ZNF567: variants seen among roughly 807,000 people sequenced by gnomAD.
ZNF567 encodes the protein zinc finger protein 567.
A neutral mutation model predicts 53.9 loss-of-function variants in ZNF567; 36 were observed. That is an observed-to-expected ratio of 0.67 (90% CI 0.51 to 0.88). ZNF567 has a LOEUF of 0.88. ZNF567 is among the 40% of genes least tolerant of loss of function. ZNF567 has a pLI of 0.00. For synonymous variants in ZNF567, 224 were observed against 260.4 expected, an observed-to-expected ratio of 0.86 and a Z score of 1.35; for missense variants, 619 against 764.7, an observed-to-expected ratio of 0.81 and a Z score of 2.25.
intron 3 of ZNF567, among the ~76,000 whole-genome samples, chr19:36,698,822 C>T (rs1439523694): frequency 3.3e-5 from 5 of 152,030 alleles, no homozygotes; most frequent in Non-Finnish European, 7.4e-5. Flanking sequence ...TGGATATTAG[C>T]CCTTTGTCAG....
intron 3 of ZNF567, among the ~76,000 whole-genome samples, chr19:36,700,256 C>CATCCCAGGGATGAAGCCCACTTG (rs1264153647): frequency 6.8e-6 from 1 of 147,290 alleles, no homozygotes; most frequent in East Asian, 2.0e-4. Context: ...ACCAGCCTTG[C>CATCCCAGGGATGAAGCCCACTTG]ATCCCAGGGA....
downstream of ZNF567, chr19:36,727,246 T>G (rs1256560902): frequency 6.6e-6 from 1 of 150,574 alleles, no homozygotes; most frequent in African/African-American, 2.4e-5. Flanking sequence ...TAATTTTGTA[T>G]TTTTAGTAGA....
the ZNF567 span, among the ~76,000 whole-genome samples, chr19:36,677,155 C>CAA: frequency 0.01 from 293 of 27,986 alleles, 7 homozygotes; most frequent in African/African-American, 0.023. Flanking sequence ...AACTCCGTCT[C>CAA]AAAAAAAAAA....
At chr19:36,690,682 GTTTC>G (rs2038555361) in intron 2 of ZNF567, among the ~76,000 whole-genome samples, 1 of 152,198 alleles carries the variant, frequency 6.6e-6, no homozygotes, top group South Asian at 2.1e-4. Flanking sequence ...TTCTTTTGGA[GTTTC>G]TTTCATGGTG....
chr19:36,720,303 C>A lies in ZNF567; in HGVS notation c.1579C>A (p.His527Asn). 1 of 1,614,144 alleles carries A rather than the reference C, an allele frequency of 6.2e-7. No homozygotes were observed. The highest frequency in any genetic ancestry group is 1.1e-5 in the South Asian group (1 of 91,074). Residue 527 changes from histidine (H) to asparagine (N), a missense_variant, in exon 6 of 6, where the codon CAT (histidine) becomes AAT (asparagine). His to Asn is a moderately conservative substitution (Grantham distance 68). Transcript: ENST00000682579. The stretch of plus-strand genomic sequence containing the variant: ...AAATCTCAATCTACATCAGAGAATT[C>A]ATACAGGGGAGAAACCCTATGTTTG... ...KTNLNLHQRIHTGEKPYVCNE... is the reference protein window; with the variant it reads ...KTNLNLHQRINTGEKPYVCNE...
intron 3 of ZNF567, among the ~76,000 whole-genome samples, chr19:36,710,962 C>T (rs148377465): frequency 1.3e-5 from 2 of 152,248 alleles, no homozygotes; most frequent in African/African-American, 2.4e-5. Flanking sequence ...CCAACACATG[C>T]ATATTTTATC....
the ZNF567 span, among the ~76,000 whole-genome samples, chr19:36,667,223 T>C: frequency 6.6e-6 from 1 of 151,736 alleles, no homozygotes; most frequent in Non-Finnish European, 1.5e-5. Flanking sequence ...GCGCGTGAGA[T>C]TTGTATGTGA....
the ZNF567 span, among the ~76,000 whole-genome samples, chr19:36,680,522 G>T: frequency 6.6e-6 from 1 of 152,086 alleles, no homozygotes; most frequent in African/African-American, 2.4e-5. Context: ...CCACCATAAG[G>T]GTTGTGCCGG....
At position 36,712,879 on chromosome 19, in the gene ZNF567, G is replaced by A; in HGVS notation, c.223+12G>A. On this transcript the variant is annotated intron_variant, in intron 5 of 5. Coordinates refer to ENST00000682579, the MANE Select transcript of ZNF567 (RefSeq NM_001322917.1). ...TCATACCTGCTTGGGTGAGTTTCTG[G>A]CTCTTAGGCAGACACAGTCTAGCAG... 6.2e-7 allele frequency: 1 copy of A among 1,606,780 alleles called. No individual in the cohort carries two copies. The highest frequency in any genetic ancestry group is 8.5e-7 in the Non-Finnish European group (1 of 1,174,658).
chr19:36,686,558 T>C (rs1187228538), upstream of ZNF567: 1 of 152,116 alleles, frequency 6.6e-6, no homozygotes, highest in Non-Finnish European at 1.5e-5. Context: ...GAGACAGCTC[T>C]GGGAATGATG....
the ZNF567 span, among the ~76,000 whole-genome samples, chr19:36,678,031 T>C: frequency 6.6e-6 from 1 of 152,172 alleles, no homozygotes; most frequent in Non-Finnish European, 1.5e-5. Flanking sequence ...TCCAATTTCT[T>C]TTCCTATATA....
At chr19:36,705,608 A>G (rs530890245) in intron 3 of ZNF567, among the ~76,000 whole-genome samples, 1 of 152,198 alleles carries the variant, frequency 6.6e-6, no homozygotes. Context: ...TAATTTGGTC[A>G]GTGTTCTCTG....
At chr19:36,682,708 C>T (rs918164255), upstream of ZNF567, among the ~76,000 whole-genome samples, 4 of 151,148 alleles carry the variant, frequency 2.6e-5, no homozygotes, top group Admixed American at 6.6e-5. Flanking sequence ...CCCAGGTTCA[C>T]GCCATTCTCC....
chr19:36,667,269 G>C, the ZNF567 span, among the ~76,000 whole-genome samples: 3 of 151,930 alleles, frequency 2.0e-5, no homozygotes, highest in Non-Finnish European at 4.4e-5. Flanking sequence ...TTGGCCGGGC[G>C]CGGTGGCTCA....
upstream of ZNF567, among the ~76,000 whole-genome samples, chr19:36,686,227 T>TG (rs1426032850): frequency 1.3e-5 from 2 of 151,912 alleles, no homozygotes; most frequent in Non-Finnish European, 2.9e-5. Flanking sequence ...AAATAGAAAA[T>TG]ACAACAAAAC....
chr19:36,710,798 C>T (rs1425649077), intron 3 of ZNF567, among the ~76,000 whole-genome samples: 1 of 152,166 alleles, frequency 6.6e-6, no homozygotes, highest in Non-Finnish European at 1.5e-5. Context: ...TCCCGTAAGC[C>T]TTAAATTTTA....
At chr19:36,718,304 C>G (rs550094992) in intron 5 of ZNF567, among the ~76,000 whole-genome samples, 1 of 152,020 alleles carries the variant, frequency 6.6e-6, no homozygotes, top group African/African-American at 2.4e-5. Context: ...TCGAGACCAA[C>G]CTGGCCAGCA....
upstream of ZNF567, chr19:36,686,305 C>T (rs182024581): frequency 7.9e-5 from 12 of 152,280 alleles, no homozygotes; most frequent in Middle Eastern, 3.4e-3. Flanking sequence ...TAGAGAACCT[C>T]AAGGCAAGGG....
chr19:36,688,981 C>T (rs1016627863), intron 1 of ZNF567, among the ~76,000 whole-genome samples: 2 of 151,986 alleles, frequency 1.3e-5, no homozygotes, highest in African/African-American at 4.8e-5. Flanking sequence ...TGCCTGTAGC[C>T]CCAGCTACTC....
Sources: allele counts gnomAD v4.1 joint callset (sites outside exome capture counted in the v4.1 genomes callset), GRCh38; gene constraint gnomAD v4.1.1; transcripts MANE v1.5; gene names NCBI Gene and HGNC (gene_info 2026-07-23, HGNC 2026-07-21).